KCP: variants seen among roughly 807,000 people sequenced by gnomAD.
KCP encodes kielin cysteine rich BMP regulator, also known as kielin/chordin-like protein.
In KCP, 194 loss-of-function variants were observed where a neutral mutation model predicts 212.7. The ratio of observed to expected loss-of-function variants is 0.91; its 90% CI spans 0.81 to 1.03. KCP has a LOEUF of 1.03. Ranked by LOEUF, KCP falls within the 50% of genes least tolerant of loss-of-function variation. KCP has a pLI of 0.00. For synonymous variants in KCP, 833 were observed against 865.3 expected (o/e 0.96, Z 0.65); for missense variants, 2,080 against 2,162.5 (o/e 0.96, Z 0.76).
chr7:128,883,833 G>GCT (rs1165610122), intron 29 of KCP, among the ~76,000 whole-genome samples, 169 bp downstream of exon 29: 2 of 152,230 alleles, frequency 1.3e-5, no homozygotes, highest in African/African-American at 4.8e-5. Flanking sequence ...GTTCCTGTCA[G>GCT]CTTCCCCAGT....
At chr7:128,878,853 G>A in intron 37 of KCP, 131 bp from the exon 38 acceptor site, 4 of 926,286 alleles carry the variant, frequency 4.3e-6, no homozygotes, top group Non-Finnish European at 4.7e-6. Flanking sequence ...ACAGGTGGAG[G>A]CTCCCCTTGG....
chr7:128,887,111 A>C, intron 23 of KCP, 104 bp downstream of exon 23: 1 of 1,129,344 alleles, frequency 8.9e-7, no homozygotes, highest in Non-Finnish European at 1.3e-6. Context: ...TGTGAAGGGC[A>C]GAGTGTAGCC....
At chr7:128,882,330 C>A (rs1055934973) in intron 29 of KCP, among the ~76,000 whole-genome samples, 1 of 152,158 alleles carries the variant, frequency 6.6e-6, no homozygotes, top group African/African-American at 2.4e-5. Flanking sequence ...CTCTCCCTCC[C>A]GCTATCTGTA....
chr7:128,885,335 C>T lies in KCP; in HGVS notation c.2867-65G>A, dbSNP rs1302585837. 8.1e-6 allele frequency: 12 copies of T among 1,472,846 alleles called. No individual in the cohort carries two copies. In the African/African-American group the frequency reaches 1.7e-4, roughly 21 times the overall value. The allele number at this position is 1,472,846 out of a possible 1,614,324, so 91.2% of individuals were successfully genotyped here. ...GATCTGGACATCTGCTCCTGGCCCC[C>T]ACCCTCAGTGGTCAGCTAGGCACGT... is the stretch of plus-strand genomic sequence containing the variant. On this transcript the variant is annotated intron_variant, in intron 26 of 39. Coordinates refer to ENST00000610776, the MANE Select transcript of KCP (RefSeq NM_001366122.1).
At chr7:128,897,767 C>T (rs1026755413) in intron 8 of KCP, among the ~76,000 whole-genome samples, 4 of 152,106 alleles carry the variant, frequency 2.6e-5, no homozygotes, top group Admixed American at 2.0e-4. Context: ...CTAGATAAGG[C>T]CTGGGGACAT....
chr7:128,878,656 C>T lies in KCP; in HGVS notation c.4213G>A (p.Gly1405Arg), dbSNP rs961733157. ...AAGCCATTGAAGTTCCCACAGAGCC[C>T]ACAAGTCCGGCCCTGGTAGGAGCCA... is the stretch of plus-strand genomic sequence containing the variant. ...VPGSYQGRTC[G>R]LCGNFNGFAQ... is the part of the protein sequence containing the mutation. Residue 1405 changes from glycine to arginine, a missense_variant, in exon 38 of 40, where the codon GGG becomes AGG. By Grantham distance (125) the Gly-to-Arg change is moderately radical. Transcript: ENST00000610776. 10 of 1,551,226 alleles carry T rather than the reference C, an allele frequency of 6.4e-6. No homozygotes were observed. The African/African-American group carries it at 1.4e-4, about 21-fold the overall frequency.
chr7:128,901,498 C>T (rs1295454809), intron 8 of KCP, among the ~76,000 whole-genome samples: 5 of 151,992 alleles, frequency 3.3e-5, no homozygotes, highest in East Asian at 1.9e-4. Flanking sequence ...TGTTGGCGGG[C>T]GCCTGTAGTC....
chr7:128,894,485 T>C (rs999038825), intron 8 of KCP, among the ~76,000 whole-genome samples, 192 bp from the exon 9 acceptor site: 1 of 152,292 alleles, frequency 6.6e-6, no homozygotes, highest in South Asian at 2.1e-4. Context: ...AACAGGGTCA[T>C]TGCAGATGTA....
chr7:128,906,487 G>A (rs1795125545), intron 4 of KCP, 124 bp from the exon 5 acceptor site: 1 of 723,882 alleles, frequency 1.4e-6, no homozygotes, highest in Non-Finnish European at 2.5e-6. Flanking sequence ...TGGCTCTGTG[G>A]ATGTGGGCTA....
intron 1 of KCP, 75 bp from the exon 2 acceptor site, chr7:128,908,643 C>T: frequency 6.8e-7 from 1 of 1,472,388 alleles, no homozygotes; most frequent in South Asian, 1.3e-5. Context: ...GTTCTGTCTT[C>T]TGACCCACAG....
chr7:128,908,251 G>GAAAGAAGAAAGAAAGA (rs10565205), intron 2 of KCP, among the ~76,000 whole-genome samples, 175 bp downstream of exon 2: 1 of 101,212 alleles, frequency 9.9e-6, no homozygotes, highest in Non-Finnish European at 2.0e-5. Context: ...AAGAAAGAAA[G>GAAAGAAGAAAGAAAGA]AAGAAAGAAA....
intron 5 of KCP, among the ~76,000 whole-genome samples, chr7:128,905,185 A>G (rs1055456068): frequency 6.6e-6 from 1 of 152,068 alleles, no homozygotes; most frequent in Non-Finnish European, 1.5e-5. Context: ...GGGCTTCCAG[A>G]TGAAATATAG....
In KCP at chr7:128,886,920, C is replaced by A; in HGVS notation, c.2645G>T (p.Cys882Phe). Reference protein sequence around the residue: ...CQKKPCPPALCPHPSPGPCFC... With the variant: ...CQKKPCPPALFPHPSPGPCFC... ...GCAGGGGCCTGGAGAGGGGTGGGGG[C>A]AGAGAGCTGGGGGACATGGCTTCTT... Residue 882 changes from cysteine (C) to phenylalanine (F), a missense_variant, in exon 24 of 40, where the codon TGC becomes TTC. Physicochemically the swap from Cys to Phe is radical, Grantham distance 205 (BLOSUM62 -2). Transcript: ENST00000610776. 6.5e-7 allele frequency: 1 copy of A among 1,528,358 alleles called. No homozygotes were observed. The allele number at this position is 1,528,358 out of a possible 1,614,324, so 94.7% of individuals were successfully genotyped here.
chr7:128,889,105 G>A (rs1428953172), intron 21 of KCP, 66 bp from the exon 22 acceptor site: 78 of 1,310,530 alleles, frequency 6.0e-5, no homozygotes, highest in Middle Eastern at 5.8e-4. Flanking sequence ...AGTGGTCATA[G>A]GCTCTGAGCT....
At position 128,907,194 on chromosome 7, in the gene KCP, G is replaced by A. The variant is rs1247533803; in HGVS notation, c.410-17C>T. ...GGCTGCAGCCTAAGGAGACAGCAGT[G>A]TCACTCAAGCACCCCATGCCATCTG... On this transcript the variant is annotated splice_polypyrimidine_tract_variant and intron_variant, in intron 3 of 39. Coordinates refer to ENST00000610776, the MANE Select transcript of KCP (RefSeq NM_001366122.1). 5.8e-6 allele frequency: 9 copies of A among 1,549,586 alleles called. No individual in the cohort carries two copies. The highest frequency in any genetic ancestry group is 7.9e-6 in the Non-Finnish European group (9 of 1,145,474).
chr7:128,889,793 A>G (rs901225600), intron 21 of KCP, among the ~76,000 whole-genome samples: 2 of 152,166 alleles, frequency 1.3e-5, no homozygotes, highest in African/African-American at 4.8e-5. Context: ...GAGGGAAGAC[A>G]GGGGGACTGG....
At chr7:128,909,880 G>A (rs971225001) in intron 1 of KCP, among the ~76,000 whole-genome samples, 1 of 152,174 alleles carries the variant, frequency 6.6e-6, no homozygotes, top group Non-Finnish European at 1.5e-5. Flanking sequence ...CCTGTCACCC[G>A]GAATGGCACC....
chr7:128,889,168 T>G (rs1793929938), intron 21 of KCP, 129 bp from the exon 22 acceptor site: 6 of 251,006 alleles, frequency 2.4e-5, no homozygotes, highest in Non-Finnish European at 3.0e-5. Context: ...GGCTGGGGGG[T>G]CACAGGCCAA....
At chr7:128,901,985 A>T (rs920366592) in intron 8 of KCP, among the ~76,000 whole-genome samples, 2 of 152,178 alleles carry the variant, frequency 1.3e-5, no homozygotes, top group Admixed American at 6.5e-5. Context: ...ACCCATGAAG[A>T]TGTTCTAGAT....
Sources: allele counts gnomAD v4.1 joint callset (sites outside exome capture counted in the v4.1 genomes callset), GRCh38; gene constraint gnomAD v4.1.1; transcripts MANE v1.5; gene names NCBI Gene and HGNC (gene_info 2026-07-23, HGNC 2026-07-21).